Variants in SMARCA2 observed in about 807,000 individuals in gnomAD.
SMARCA2 encodes the protein SWI/SNF related BAF chromatin remodeling complex subunit ATPase 2.
Under a neutral mutation model 199.8 loss-of-function variants are expected in SMARCA2, and 61 were observed. The ratio of observed to expected loss-of-function variants is 0.31; its 90% CI spans 0.25 to 0.38. The LOEUF is 0.38. Ranked by LOEUF, SMARCA2 falls within the 10% of genes least tolerant of loss-of-function variation. SMARCA2 has a pLI of 1.00. For missense variants in SMARCA2, 1,344 were observed against 2,012.2 expected (o/e 0.67, Z 6.35); for synonymous variants, 935 against 732.0 (o/e 1.28, Z -4.48).
chr9:2,073,711 C>T, intron 12 of SMARCA2, 88 bp downstream of exon 12: 1 of 940,142 alleles, frequency 1.1e-6, no homozygotes, highest in Non-Finnish European at 1.7e-6. Context: ...GGCCTTGGGT[C>T]CTTCTATCAT....
chr9:2,158,520 T>C (rs574999067), intron 27 of SMARCA2: 6 of 158,422 alleles, frequency 3.8e-5, no homozygotes, highest in African/African-American at 1.4e-4. Flanking sequence ...GGGCTCGCAC[T>C]CTTGCGCAAC....
intron 23 of SMARCA2, among the ~76,000 whole-genome samples, chr9:2,108,861 C>G (rs1188445160): frequency 6.6e-6 from 1 of 152,158 alleles, no homozygotes; most frequent in East Asian, 1.9e-4. Flanking sequence ...TAAACTCGGA[C>G]AGTTGATTGT....
Position 2,190,247 on chromosome 9 carries a change from G to A in SMARCA2, c.4595-1019G>A, listed in dbSNP as rs547135313. Among the ~76,000 whole-genome samples the A allele has an allele frequency of 3.5e-4, 53 of 152,304 alleles. No homozygotes were observed. In the South Asian group the frequency reaches 0.011, roughly 30 times the overall value. On this transcript the variant is annotated intron_variant, in intron 32 of 33. Transcript: ENST00000349721. ...CTGAAGGCTAATCTGACAGAGCACT[G>A]TTAGAAATTTACCATATGGACATGT...
chr9:2,169,809 G>A lies in SMARCA2; in HGVS notation c.4200-610G>A, dbSNP rs892332747. ...GAGGCTTTTCTAGAGGCTTGTAGAAGTGCCCAAGACGCCAGGTGGTGGTTT... is the reference window on the plus strand; with the variant it reads ...GAGGCTTTTCTAGAGGCTTGTAGAAATGCCCAAGACGCCAGGTGGTGGTTT... On this transcript the variant is annotated intron_variant, in intron 28 of 33. Coordinates refer to ENST00000349721, the MANE Select transcript of SMARCA2 (RefSeq NM_003070.5). The surrounding 1 kb of genome is among the most constrained non-coding windows in gnomAD (Gnocchi z 6.5). Among the ~76,000 whole-genome samples, 2 of 152,146 alleles carry A rather than the reference G, an allele frequency of 1.3e-5. No homozygotes were observed. The highest frequency in any genetic ancestry group is 6.5e-5 in the Admixed American group (1 of 15,282).
At chr9:2,157,909 G>A in intron 27 of SMARCA2, 2 of 398,478 alleles carry the variant, frequency 5.0e-6, no homozygotes, top group Non-Finnish European at 8.8e-6. Context: ...CAGGATGAGA[G>A]GGCCACGACT....
chr9:2,042,657 AT>A (rs201030177), intron 4 of SMARCA2: 6,279 of 136,530 alleles, frequency 0.046, 133 homozygotes, highest in Admixed American at 0.11. Flanking sequence ...AGAGGGCTCT[AT>A]TTTTTTTTTT....
At chr9:2,141,982 C>T (rs1824483896) in intron 27 of SMARCA2, among the ~76,000 whole-genome samples, 1 of 152,126 alleles carries the variant, frequency 6.6e-6, no homozygotes, top group African/African-American at 2.4e-5. Flanking sequence ...GTGATGAGAC[C>T]TGCCCGTGAA....
At chr9:2,100,415 C>G (rs1006292049) in intron 21 of SMARCA2, among the ~76,000 whole-genome samples, 20 of 152,098 alleles carry the variant, frequency 1.3e-4, no homozygotes, top group African/African-American at 4.8e-4. Flanking sequence ...AGGATTTCAC[C>G]TAACTGGCCA....
At position 2,103,950 on chromosome 9, in the gene SMARCA2, T is replaced by C. The variant is rs1986592; in HGVS notation, c.3126-53T>C. On this transcript the variant is annotated intron_variant, in intron 22 of 33. Coordinates refer to ENST00000349721, the MANE Select transcript of SMARCA2 (RefSeq NM_003070.5). ...AAAAGCAAAGCAATGCTGGATTTTT[T>C]AAGAAGACAGAAGTAATACTGTCTT... 378,168 of 1,541,498 alleles carry C rather than the reference T, an allele frequency of 0.25. 59,664 individuals are homozygous for C. Among genetic ancestry groups the C allele is most frequent in the African/African-American group, 0.79 (57,385 of 72,836 alleles).
At chr9:2,184,457 A>T (rs146365575) in intron 31 of SMARCA2, among the ~76,000 whole-genome samples, 4 of 151,094 alleles carry the variant, frequency 2.6e-5, no homozygotes, top group African/African-American at 9.8e-5. Flanking sequence ...GGTTCAAGCA[A>T]TTCTTCTGCC....
intron 27 of SMARCA2, among the ~76,000 whole-genome samples, chr9:2,139,503 G>T (rs1235535706): frequency 6.6e-6 from 1 of 152,184 alleles, no homozygotes; most frequent in Admixed American, 6.5e-5. Flanking sequence ...ATTCCAGGAA[G>T]ATCACTAAAA....
intron 1 of SMARCA2, among the ~76,000 whole-genome samples, chr9:2,022,312 A>T (rs1337344503): frequency 2.0e-5 from 3 of 152,222 alleles, no homozygotes; most frequent in African/African-American, 7.2e-5. Context: ...GTGTCTTCAT[A>T]TCTCATATTT....
At position 2,047,369 on chromosome 9, in the gene SMARCA2, G is replaced by T; in HGVS notation, c.931G>T (p.Ala311Ser). ...GCCCGGGCCCTCAGTGCCGCAGCCG[G>T]CCCCGGGGCAGCCCTCGCCCGTCCT... is the stretch of plus-strand genomic sequence containing the variant. ...AVPGPSVPQP[A>S]PGQPSPVLQL... Residue 311 changes from alanine to serine, a missense_variant, in exon 5 of 34, where the codon GCC (alanine) becomes TCC (serine). This residue lies in a region of SMARCA2 where 155 missense variants were observed against 260.0 expected (regional missense o/e 0.60). Coordinates refer to ENST00000349721, the MANE Select transcript of SMARCA2 (RefSeq NM_003070.5). 4 of 1,535,640 alleles carry T rather than the reference G, an allele frequency of 2.6e-6. No individual in the cohort carries two copies. Among genetic ancestry groups the T allele is most frequent in the Non-Finnish European group, 3.5e-6 (4 of 1,141,282 alleles).
chr9:2,125,005 C>T (rs1823626420), intron 27 of SMARCA2, among the ~76,000 whole-genome samples: 1 of 152,112 alleles, frequency 6.6e-6, no homozygotes, highest in African/African-American at 2.4e-5. Flanking sequence ...GTACAGTTCC[C>T]AAGCTTTGTG....
intron 27 of SMARCA2, among the ~76,000 whole-genome samples, chr9:2,139,329 G>T (rs148490208): frequency 6.6e-6 from 1 of 152,194 alleles, no homozygotes; most frequent in Non-Finnish European, 1.5e-5. Context: ...TGGTGGGCAG[G>T]GGGGTAGAGA....
rs535132898 is a variant in SMARCA2, at chr9:2,036,869, G to A, written c.356-2597G>A. ...TGCCTTGTTCATAGTTTAAAAGAGTGATTTAAGAAATAGTGTTATACAGTT... is the reference window on the plus strand; with the variant it reads ...TGCCTTGTTCATAGTTTAAAAGAGTAATTTAAGAAATAGTGTTATACAGTT... On this transcript the variant is annotated intron_variant, in intron 3 of 33. Transcript: ENST00000349721. Among the ~76,000 whole-genome samples the A allele has an allele frequency of 4.6e-5, 7 of 152,246 alleles. No individual in the cohort carries two copies. In the East Asian group the frequency reaches 1.3e-3, roughly 29 times the overall value.
chr9:2,066,908 T>G (rs554522258), intron 9 of SMARCA2, among the ~76,000 whole-genome samples: 29 of 152,336 alleles, frequency 1.9e-4, no homozygotes, highest in African/African-American at 7.0e-4. Flanking sequence ...GTGTTAATTT[T>G]GAACCAAGAA....
chr9:2,070,855 T>G (rs1821058604), intron 10 of SMARCA2, among the ~76,000 whole-genome samples: 1 of 152,214 alleles, frequency 6.6e-6, no homozygotes, highest in Non-Finnish European at 1.5e-5. Context: ...TAATTTGAAA[T>G]TATAAAAATA....
intron 29 of SMARCA2, among the ~76,000 whole-genome samples, chr9:2,179,313 A>G (rs1463751403): frequency 6.6e-6 from 1 of 152,254 alleles, no homozygotes; most frequent in Non-Finnish European, 1.5e-5. Context: ...GATGGAAACA[A>G]CATATCCCAA....
Sources: gnomAD v4.1 joint callset for allele counts (sites outside exome capture counted in the v4.1 genomes callset) on GRCh38, gnomAD v4.1.1 for gene constraint, gnomAD v4.1.1 regional missense constraint, Gnocchi (gnomAD v3.1) non-coding constraint, MANE v1.5 for transcripts, NCBI Gene and HGNC (gene_info 2026-07-23, HGNC 2026-07-21) for gene names.